GALNT9: variants seen among roughly 807,000 people sequenced by gnomAD.
The protein encoded by GALNT9 is polypeptide N-acetylgalactosaminyltransferase 9.
In GALNT9, 47 loss-of-function variants were observed where a neutral mutation model predicts 63.1. That is an observed-to-expected ratio of 0.75 (90% confidence interval 0.59 to 0.95). The LOEUF (loss-of-function observed/expected upper bound fraction) is 0.95. Ranked by LOEUF, GALNT9 falls within the 40% of genes least tolerant of loss-of-function variation. The pLI is 0.00. For missense variants in GALNT9, 829 were observed against 874.8 expected (o/e 0.95, Z 0.66); for synonymous variants, 396 against 365.7 (o/e 1.08, Z -0.94).
At chr12:132,226,953 CCATA>C (rs1318287927) in intron 6 of GALNT9, among the ~76,000 whole-genome samples, 1 of 149,886 alleles carries the variant, frequency 6.7e-6, no homozygotes, top group East Asian at 2.0e-4. Flanking sequence ...CACATACACC[CCATA>C]CACACTGTAT....
intron 6 of GALNT9, among the ~76,000 whole-genome samples, chr12:132,224,793 T>TACAC (rs1229788707): frequency 0.013 from 1,224 of 94,994 alleles, 25 homozygotes; most frequent in African/African-American, 0.047. Context: ...ATACATCTCA[T>TACAC]ACACACACCC....
At chr12:132,251,142 G>A (rs1452874522) in intron 5 of GALNT9, among the ~76,000 whole-genome samples, 1 of 152,330 alleles carries the variant, frequency 6.6e-6, no homozygotes, top group Non-Finnish European at 1.5e-5. Context: ...GTGCAGATGT[G>A]CGAGCCACAA....
chr12:132,201,847 G>A (rs1236380438), intron 7 of GALNT9, among the ~76,000 whole-genome samples: 1 of 152,222 alleles, frequency 6.6e-6, no homozygotes, highest in Non-Finnish European at 1.5e-5. Flanking sequence ...CGTGTCCTCT[G>A]CCGTGAGAAC....
chr12:132,264,443 C>T (rs1879523350), intron 2 of GALNT9, among the ~76,000 whole-genome samples: 1 of 152,244 alleles, frequency 6.6e-6, no homozygotes, highest in Non-Finnish European at 1.5e-5. Context: ...TGGTTTCGGG[C>T]CCGGCTTGGT....
Position 132,265,547 on chromosome 12 carries a change from C to T in GALNT9, c.420-2922G>A, listed in dbSNP as rs546763228. ...CGGTAGGATGAGGAGGCCACACTGA[C>T]GTCCTTGTTCCCTGTGTGAAGCCCC... On this transcript the variant is annotated intron_variant, in intron 2 of 10. Transcript: ENST00000328957. This position sits in a 1 kb window ranked among gnomAD's most constrained non-coding sequence, Gnocchi z 5.3. Among the ~76,000 whole-genome samples the T allele has an allele frequency of 1.4e-4, 21 of 152,322 alleles. No individual in the cohort carries two copies. In the East Asian group the frequency reaches 1.7e-3, roughly 13 times the overall value.
rs1869200347 is a variant in GALNT9, at chr12:132,329,407, G to C, written c.-204C>G. ...CCCCCAGAGCGCAGAGGGCTGCCCG[G>C]GGCTGGGGTCGCGGGGCGCGGCCGG... On this transcript the variant is annotated 5_prime_UTR_variant, in exon 1 of 11. Transcript: ENST00000328957. The C allele has an allele frequency of 3.3e-6, 2 of 602,626 alleles. No individual in the cohort carries two copies. Among genetic ancestry groups the C allele is most frequent in the African/African-American group, 1.9e-5 (1 of 51,650 alleles). 37.3% of individuals were successfully genotyped at this position (602,626 alleles called of 1,614,324 possible). A position where few individuals can be genotyped will look rare whatever the true frequency, so the allele number is the denominator to read the frequency against.
chr12:132,205,473 T>A (rs906100756), intron 6 of GALNT9: 2 of 152,392 alleles, frequency 1.3e-5, no homozygotes, highest in African/African-American at 4.8e-5. Context: ...CCAGGCTCCC[T>A]GACCCCGGTC....
chr12:132,221,420 G>A (rs1877444216), intron 6 of GALNT9, among the ~76,000 whole-genome samples: 1 of 146,380 alleles, frequency 6.8e-6, no homozygotes, highest in Non-Finnish European at 1.5e-5. Flanking sequence ...CAGCACTTTG[G>A]GAGGCCAAGG....
intron 1 of GALNT9, among the ~76,000 whole-genome samples, chr12:132,318,478 G>C (rs2135589458): frequency 6.6e-6 from 1 of 152,338 alleles, no homozygotes; most frequent in Non-Finnish European, 1.5e-5. Context: ...AGGCCACCAG[G>C]GACATGAATC....
chr12:132,329,088 C>T lies in GALNT9; in HGVS notation c.116G>A (p.Arg39His). 2 of 1,548,594 alleles carry T rather than the reference C, an allele frequency of 1.3e-6. No individual in the cohort carries two copies. The highest frequency in any genetic ancestry group is 1.7e-6 in the Non-Finnish European group (2 of 1,146,460). Reference sequence around the variant, plus strand: ...CACCCGGCGGTCGCCGCTCACGATGCGCACGAGCTCCTGGGAGCGGCCCTG... The same window carrying T: ...CACCCGGCGGTCGCCGCTCACGATGTGCACGAGCTCCTGGGAGCGGCCCTG... ...RLQGRSQELV[R>H]IVSGDRRVRS... The change falls in exon 1 of 11, where the codon CGC (arginine) becomes CAC (histidine). Residue 39 changes from arginine (R) to histidine (H), a missense_variant. Arg to His is a conservative substitution (Grantham distance 29). Transcript: ENST00000328957.
At chr12:132,267,753 ACT>A (rs782081167) in intron 2 of GALNT9, among the ~76,000 whole-genome samples, 76 of 146,018 alleles carry the variant, frequency 5.2e-4, no homozygotes, top group South Asian at 8.3e-4. Context: ...AAGCACACAC[ACT>A]CACACACACA....
At chr12:132,214,629 G>A (rs964384631) in intron 6 of GALNT9, among the ~76,000 whole-genome samples, 11 of 152,218 alleles carry the variant, frequency 7.2e-5, no homozygotes, top group Admixed American at 2.6e-4. Flanking sequence ...CTGCTCACCC[G>A]GCCTTGCCCA....
At position 132,303,446 on chromosome 12, in the gene GALNT9, C is replaced by T. The variant is rs1473153916; in HGVS notation, c.239-17016G>A. Among the ~76,000 whole-genome samples, 560 of 121,182 alleles carry T rather than the reference C, an allele frequency of 4.6e-3. 18 individuals carry two copies. The highest frequency in any genetic ancestry group is 0.012 in the Admixed American group (138 of 11,454). The allele number at this position is 121,182 out of a possible 152,430, so 79.5% of individuals were successfully genotyped here. The stretch of plus-strand genomic sequence containing the variant: ...AGCCTCGCCCGGGCACACCCTCGCC[C>T]GGGCACACCCTCGCCCGGACACACC... On this transcript the variant is annotated intron_variant, in intron 1 of 10. Transcript: ENST00000328957.
In GALNT9 at chr12:132,304,519, G is replaced by A. The variant is rs1200539761; in HGVS notation, c.239-18089C>T. ...CCCTTGCCCGGGCACACCCTCGCCC[G>A]GACACACCCTCACCCGGGCACAGAA... On this transcript the variant is annotated intron_variant, in intron 1 of 10. Coordinates refer to ENST00000328957, the MANE Select transcript of GALNT9 (RefSeq NM_001122636.2). Among the ~76,000 whole-genome samples the A allele has an allele frequency of 1.9e-3, 60 of 31,060 alleles. 1 individual carries two copies. The highest frequency in any genetic ancestry group is 6.3e-3 in the East Asian group (2 of 318). 20.4% of individuals were successfully genotyped at this position (31,060 alleles called of 152,430 possible).
chr12:132,261,712 C>G (rs1008276326), intron 3 of GALNT9, among the ~76,000 whole-genome samples: 2 of 152,228 alleles, frequency 1.3e-5, no homozygotes, highest in Non-Finnish European at 2.9e-5. Context: ...CCTGCCTCCA[C>G]GAGGGGTCAG....
At chr12:132,271,859 C>T (rs914804619) in intron 2 of GALNT9, among the ~76,000 whole-genome samples, 6 of 152,114 alleles carry the variant, frequency 3.9e-5, no homozygotes, top group South Asian at 4.1e-4. Context: ...GTCCCCCGTG[C>T]GCCCTTCAGT....
intron 8 of GALNT9, among the ~76,000 whole-genome samples, chr12:132,199,470 C>T (rs1397268674): frequency 1.3e-5 from 2 of 152,052 alleles, no homozygotes; most frequent in African/African-American, 4.8e-5. Flanking sequence ...ATGGAAGTGT[C>T]CGCCATGCAC....
At chr12:132,307,993 G>A (rs546091638) in intron 1 of GALNT9, among the ~76,000 whole-genome samples, 1 of 147,360 alleles carries the variant, frequency 6.8e-6, no homozygotes, top group South Asian at 2.2e-4. Context: ...CTATGATCAC[G>A]CCACTGCACT....
intron 6 of GALNT9, among the ~76,000 whole-genome samples, chr12:132,243,433 G>C (rs1468563281): frequency 1.0e-5 from 1 of 98,684 alleles, no homozygotes; most frequent in Non-Finnish European, 2.2e-5. Context: ...GTCTTCCGGA[G>C]CTCTCTCTCT....
Sources: gnomAD v4.1 joint callset for allele counts (sites outside exome capture counted in the v4.1 genomes callset) on GRCh38, gnomAD v4.1.1 for gene constraint, Gnocchi (gnomAD v3.1) non-coding constraint, MANE v1.5 for transcripts, NCBI Gene and HGNC (gene_info 2026-07-23, HGNC 2026-07-21) for gene names.